Variants in HINFP observed in about 807,000 individuals in gnomAD.
HINFP encodes MBD2 (methyl-CpG-binding protein)-interacting zinc finger protein.
Under a neutral mutation model 50.1 loss-of-function variants are expected in HINFP, and 20 were observed. The ratio of observed to expected loss-of-function variants is 0.40; its 90% CI spans 0.28 to 0.58. The LOEUF is 0.58. HINFP is among the 20% of genes least tolerant of loss of function. HINFP has a pLI of 0.45. For missense variants in HINFP, 505 were observed against 664.1 expected, an observed-to-expected ratio of 0.76 and a Z score of 2.63; for synonymous variants, 247 against 243.7, an observed-to-expected ratio of 1.01 and a Z score of -0.13.
At position 119,131,668 on chromosome 11, in the gene HINFP, T is replaced by A. The variant is rs1947766984; in HGVS notation, c.523+22T>A. On this transcript the variant is annotated intron_variant, in intron 4 of 9. Coordinates refer to ENST00000350777, the MANE Select transcript of HINFP (RefSeq NM_198971.3). The surrounding 1 kb of genome is among the most constrained non-coding windows in gnomAD (Gnocchi z 4.2). ...AAAGGTAGGGCTGCTTCTTAACTTGTGGCTTCTGGAGGAAACGCTGGGGTT... is the reference window on the plus strand; with the variant it reads ...AAAGGTAGGGCTGCTTCTTAACTTGAGGCTTCTGGAGGAAACGCTGGGGTT... 1.2e-6 allele frequency: 2 copies of A among 1,606,314 alleles called. No individual in the cohort carries two copies. Among genetic ancestry groups the A allele is most frequent in the Non-Finnish European group, 1.7e-6 (2 of 1,172,960 alleles).
Position 119,122,501 on chromosome 11 carries a change from C to T in HINFP, c.-11+862C>T, listed in dbSNP as rs78001557. Among the ~76,000 whole-genome samples, 502 of 152,288 alleles carry T rather than the reference C, an allele frequency of 3.3e-3. 3 individuals are homozygous for T. Among genetic ancestry groups the T allele is most frequent in the African/African-American group, 0.011 (453 of 41,560 alleles). ...AAATAGGGTTGAAGTTTTATGGTGT[C>T]AGCTGTGCCAGCCATAGAACTAAGG... On this transcript the variant is annotated intron_variant, in intron 1 of 9. Coordinates refer to ENST00000350777, the MANE Select transcript of HINFP (RefSeq NM_198971.3).
In HINFP at chr11:119,134,357, T is replaced by C; in HGVS notation, c.1413T>C (p.Asn471=). ...TCATCCACGTGGTGAATCAGACCAA[T>C]GCCCAAGGCCAGCAAGAGATCGTCT... ...SSVIHVVNQT[N]AQGQQEIVYY... Residue 471 remains asparagine (N), a synonymous_variant, in exon 10 of 10, where the codon AAT becomes AAC. Transcript: ENST00000350777. The surrounding 1 kb of genome is among the most constrained non-coding windows in gnomAD (Gnocchi z 4.3). 6.2e-7 allele frequency: 1 copy of C among 1,614,112 alleles called. No individual in the cohort carries two copies. The highest frequency in any genetic ancestry group is 8.5e-7 in the Non-Finnish European group (1 of 1,179,970).
At chr11:119,126,354 C>CAAAAAAAAAAA (rs55703263) in intron 1 of HINFP, 2 of 62,688 alleles carry the variant, frequency 3.2e-5, no homozygotes, top group Non-Finnish European at 3.7e-5. Flanking sequence ...AACTCAATCT[C>CAAAAAAAAAAA]AAAAAAAAAA....
Position 119,134,100 on chromosome 11 carries a change from G to A in HINFP, c.1156G>A (p.Asp386Asn). Residue 386 changes from aspartate to asparagine, a missense_variant, in exon 10 of 10, where the codon GAT becomes AAT. Coordinates refer to ENST00000350777, the MANE Select transcript of HINFP (RefSeq NM_198971.3). This position sits in a 1 kb window ranked among gnomAD's most constrained non-coding sequence, Gnocchi z 4.3. Reference sequence around the variant, plus strand: ...CCTCACCAGGTACAAGGAACATGAAGATGGCTATATGCGGCTGCAGCTGGT... The same window carrying A: ...CCTCACCAGGTACAAGGAACATGAAAATGGCTATATGCGGCTGCAGCTGGT... ...HPRFRYKEHE[D>N]GYMRLQLVRY... 1 of 1,614,166 alleles carries A rather than the reference G, an allele frequency of 6.2e-7. No individual in the cohort carries two copies.
chr11:119,133,238 C>T lies in HINFP; in HGVS notation c.1139+19C>T. On this transcript the variant is annotated intron_variant, in intron 9 of 9. Transcript: ENST00000350777. The stretch of plus-strand genomic sequence containing the variant: ...GTTTTCGGTATGTCTCTCAACCCTC[C>T]TTCCCAGATTAACACACTTGTTTTT... 3 of 1,613,376 alleles carry T rather than the reference C, an allele frequency of 1.9e-6. No individual in the cohort carries two copies. The highest frequency in any genetic ancestry group is 2.5e-6 in the Non-Finnish European group (3 of 1,179,766).
chr11:119,134,157 C>G lies in HINFP; in HGVS notation c.1213C>G (p.Leu405Val). The G allele has an allele frequency of 6.2e-7, 1 of 1,614,212 alleles. No individual in the cohort carries two copies. The highest frequency in any genetic ancestry group is 8.5e-7 in the Non-Finnish European group (1 of 1,180,044). Residue 405 changes from leucine (L) to valine (V), a missense_variant, in exon 10 of 10, where the codon CTG (leucine) becomes GTG (valine). Leu to Val is a conservative substitution (Grantham distance 32, BLOSUM62 1). Transcript: ENST00000350777. The surrounding 1 kb of genome is among the most constrained non-coding windows in gnomAD (Gnocchi z 4.3). The stretch of plus-strand genomic sequence containing the variant: ...CGAGAGTGTAGAGCTGACACAGCAA[C>G]TGCTGCGGCAACCACAAGAGGGATC... ...RYESVELTQQ[L>V]LRQPQEGSGL...
At position 119,135,261 on chromosome 11, in the gene HINFP, C is replaced by G. The variant is rs1565806796; in HGVS notation, c.*763C>G. The stretch of plus-strand genomic sequence containing the variant: ...AGCGTATGCCATTTCCATGGAGGTC[C>G]CAGGTGTTTGGCTGTGAGTGGGCAG... On this transcript the variant is annotated 3_prime_UTR_variant, in exon 10 of 10. Transcript: ENST00000350777. 2 of 152,344 alleles carry G rather than the reference C, an allele frequency of 1.3e-5. No homozygotes were observed. Among genetic ancestry groups the G allele is most frequent in the South Asian group, 2.1e-4 (1 of 4,826 alleles). 9.4% of individuals were successfully genotyped at this position (152,344 alleles called of 1,614,324 possible).
At position 119,130,714 on chromosome 11, in the gene HINFP, C is replaced by G. The variant is rs749125746; in HGVS notation, c.182-11C>G. ...AGTGTCAGACTCTTCCTTTTAAACC[C>G]CTTTCTACAGAGGAAGAATTCTCCT... On this transcript the variant is annotated splice_polypyrimidine_tract_variant and intron_variant, in intron 2 of 9. Coordinates refer to ENST00000350777, the MANE Select transcript of HINFP (RefSeq NM_198971.3). 1.9e-6 allele frequency: 3 copies of G among 1,612,126 alleles called. No homozygotes were observed. The highest frequency in any genetic ancestry group is 2.5e-6 in the Non-Finnish European group (3 of 1,178,304).
intron 2 of HINFP, chr11:119,127,473 G>GT (rs57165169): frequency 0.012 from 798 of 68,962 alleles, 7 homozygotes; most frequent in Non-Finnish European, 0.018. Flanking sequence ...TTGTTGTTGT[G>GT]TTTTTTTTTT....
Position 119,135,559 on chromosome 11 carries a change from T to C in HINFP, c.*1061T>C, listed in dbSNP as rs1948015120. The C allele has an allele frequency of 6.6e-6, 1 of 152,126 alleles. No individual in the cohort carries two copies. The highest frequency in any genetic ancestry group is 1.5e-5 in the Non-Finnish European group (1 of 68,030). The allele number at this position is 152,126 out of a possible 1,614,324, so 9.4% of individuals were successfully genotyped here. ...GTTTTTTGCTAGATTATCAAAGAGA[T>C]TGAAACCTCCCAAAATAAGAATCAT... is the stretch of plus-strand genomic sequence containing the variant. On this transcript the variant is annotated 3_prime_UTR_variant, in exon 10 of 10. Transcript: ENST00000350777.
rs544787874 is a variant in HINFP at position 119,132,508 on chromosome 11, A to G, written c.689A>G (p.Gln230Arg). The G allele has an allele frequency of 1.2e-6, 2 of 1,614,012 alleles. No homozygotes were observed. The highest frequency in any genetic ancestry group is 1.3e-5 in the African/African-American group (1 of 74,982). The change falls in exon 6 of 10, where the codon CAG (glutamine) becomes CGG (arginine). Residue 230 changes from glutamine (Q) to arginine (R), a missense_variant. Transcript: ENST00000350777. ...RQTSLDQQHF[Q>R]CSHCSKRFAT... ...TGCCCCACCCCAGAGCAGCACTTCC[A>G]GTGTTCTCACTGTTCCAAGAGATTT...
At position 119,134,658 on chromosome 11, in the gene HINFP, C is replaced by T. The variant is rs984949016; in HGVS notation, c.*160C>T. 7.8e-5 allele frequency: 44 copies of T among 564,412 alleles called. No individual in the cohort carries two copies. Among genetic ancestry groups the T allele is most frequent in the Non-Finnish European group, 1.2e-4 (39 of 323,530 alleles). 35.0% of individuals were successfully genotyped at this position (564,412 alleles called of 1,614,324 possible). A position where few individuals can be genotyped will look rare whatever the true frequency, so the allele number is the denominator to read the frequency against. On this transcript the variant is annotated 3_prime_UTR_variant, in exon 10 of 10. Transcript: ENST00000350777. This position sits in a 1 kb window ranked among gnomAD's most constrained non-coding sequence, Gnocchi z 4.3. Reference sequence around the variant, plus strand: ...CTGGGTTTGCATCATTCTGCAGACTCTAAAGACTTCCCTTTTCTGCCAGAC... The same window carrying T: ...CTGGGTTTGCATCATTCTGCAGACTTTAAAGACTTCCCTTTTCTGCCAGAC...
chr11:119,134,159 G>A lies in HINFP; in HGVS notation c.1215G>A (p.Leu405=). 1 of 1,614,076 alleles carries A rather than the reference G, an allele frequency of 6.2e-7. No homozygotes were observed. The highest frequency in any genetic ancestry group is 8.5e-7 in the Non-Finnish European group (1 of 1,180,004). ...RYESVELTQQ[L]LRQPQEGSGL... The stretch of plus-strand genomic sequence containing the variant: ...AGAGTGTAGAGCTGACACAGCAACT[G>A]CTGCGGCAACCACAAGAGGGATCGG... The change falls in exon 10 of 10, where the codon CTG becomes CTA. Residue 405 remains leucine, a synonymous_variant. Coordinates refer to ENST00000350777, the MANE Select transcript of HINFP (RefSeq NM_198971.3). The surrounding 1 kb of genome is among the most constrained non-coding windows in gnomAD (Gnocchi z 4.3).
chr11:119,132,120 A>G (rs1344003376), intron 5 of HINFP, 138 bp downstream of exon 5: 19 of 859,798 alleles, frequency 2.2e-5, no homozygotes, highest in Non-Finnish European at 3.3e-5. Flanking sequence ...CACCTCCCAT[A>G]GTCTCTTTGC....
chr11:119,133,047 AC>A, intron 8 of HINFP, 45 bp downstream of exon 8: 1 of 1,614,062 alleles, frequency 6.2e-7, no homozygotes, highest in South Asian at 1.1e-5. Context: ...AGTATGGGGG[AC>A]CCTGGGGTGA....
Position 119,131,798 on chromosome 11 carries a change from G to C in HINFP, c.524-32G>C. ...AGATCCTAGGCAAAACTGGGGTTTT[G>C]TGGCAGGAGACTGATAGGGCTTCCT... On this transcript the variant is annotated intron_variant, in intron 4 of 9. Transcript: ENST00000350777. This position sits in a 1 kb window ranked among gnomAD's most constrained non-coding sequence, Gnocchi z 4.2. 1 of 1,612,562 alleles carries C rather than the reference G, an allele frequency of 6.2e-7. No individual in the cohort carries two copies. The highest frequency in any genetic ancestry group is 8.5e-7 in the Non-Finnish European group (1 of 1,179,362).
rs1354246149 is a variant in HINFP at position 119,130,841 on chromosome 11, C to T, written c.298C>T (p.Leu100=). 6.2e-7 allele frequency: 1 copy of T among 1,614,098 alleles called. No homozygotes were observed. Among genetic ancestry groups the T allele is most frequent in the Non-Finnish European group, 8.5e-7 (1 of 1,180,052 alleles). ...CCACACCAAGCTGAAACAGTGGGGG[C>T]TGCAGGCCTTGCAAAGCCAGGCTGA... The part of the protein sequence containing the change: ...CYHTKLKQWG[L]QALQSQADLG... Residue 100 remains leucine (L), a synonymous_variant, in exon 3 of 10, where the codon CTG becomes TTG. Transcript: ENST00000350777.
chr11:119,127,647 C>T (rs919608451), intron 2 of HINFP, among the ~76,000 whole-genome samples: 1 of 151,734 alleles, frequency 6.6e-6, no homozygotes, highest in African/African-American at 2.4e-5. Context: ...AAGGGATCCT[C>T]CTGCCTCAAC....
rs1272582889 is a variant in HINFP at position 119,129,480 on chromosome 11, T to TTTTTC, written c.182-1235_182-1231dup. ...AGCCACTGCATCTGGCAGGAATACA[T>TTTTTC]TTTTCTTTTCTTTTTTTTTTTTTTT... On this transcript the variant is annotated intron_variant, in intron 2 of 9. Transcript: ENST00000350777. Among the ~76,000 whole-genome samples, 16 of 149,610 alleles carry TTTTTC rather than the reference T, an allele frequency of 1.1e-4. No individual in the cohort carries two copies. The South Asian group carries it at 2.2e-3, about 21-fold the overall frequency.
Sources: gnomAD v4.1 joint callset for allele counts (sites outside exome capture counted in the v4.1 genomes callset) on GRCh38, gnomAD v4.1.1 for gene constraint, Gnocchi (gnomAD v3.1) non-coding constraint, MANE v1.5 for transcripts, NCBI Gene and HGNC (gene_info 2026-07-23, HGNC 2026-07-21) for gene names.